Variants in IFIH1 observed in about 807,000 individuals in gnomAD.
IFIH1 encodes interferon induced with helicase C domain 1.
In IFIH1, 125 loss-of-function variants were observed where a neutral mutation model predicts 107.4. The ratio of observed to expected loss-of-function variants is 1.16; its 90% confidence interval spans 1.01 to 1.35. The LOEUF (loss-of-function observed/expected upper bound fraction) is 1.35, where lower values mean the gene tolerates loss of function less well. Among genes scored for constraint, IFIH1 ranks in the 40% most tolerant of loss-of-function variants. IFIH1 has a pLI of 0.00. For synonymous variants in IFIH1, 458 were observed against 413.2 expected (o/e 1.11, Z -1.31); for missense variants, 1,333 against 1,213.7 (o/e 1.10, Z -1.46).
At position 162,282,518 on chromosome 2, in the gene IFIH1, T is replaced by A; in HGVS notation, c.1154A>T (p.Tyr385Phe). Residue 385 changes from tyrosine to phenylalanine, a missense_variant, in exon 6 of 16, where the codon TAT becomes TTT. Physicochemically the swap from Tyr to Phe is conservative, Grantham distance 22. Transcript: ENST00000649979. ...ATCACCACTTAATCCAATAACACGA[T>A]ACCATTTCTTCAAAAATGGTTGGAA... ...KEFQPFLKKW[Y>F]RVIGLSGDTQ... 1 of 1,611,664 alleles carries A rather than the reference T, an allele frequency of 6.2e-7. No individual in the cohort carries two copies. The highest frequency in any genetic ancestry group is 8.5e-7 in the Non-Finnish European group (1 of 1,178,578).
At chr2:162,282,848 C>G (rs1682834791) in intron 5 of IFIH1, among the ~76,000 whole-genome samples, 1 of 151,640 alleles carries the variant, frequency 6.6e-6, no homozygotes. Flanking sequence ...TCATACAGAC[C>G]AAGACTAAAC....
chr2:162,314,721 C>G (rs1683456949), intron 1 of IFIH1, among the ~76,000 whole-genome samples: 1 of 151,976 alleles, frequency 6.6e-6, no homozygotes, highest in Non-Finnish European at 1.5e-5. Context: ...ATCTCCTGAC[C>G]TCGAGAGCCA....
chr2:162,277,314 T>C, intron 10 of IFIH1, 101 bp downstream of exon 10: 1 of 855,568 alleles, frequency 1.2e-6, no homozygotes, highest in Non-Finnish European at 1.8e-6. Context: ...GGATTTCTTC[T>C]TTCAAAAGAT....
chr2:162,310,649 C>T, intron 2 of IFIH1, 116 bp downstream of exon 2: 2 of 773,460 alleles, frequency 2.6e-6, no homozygotes, highest in South Asian at 1.7e-5. Context: ...ATATGTTCCA[C>T]TCTTAAAATT....
intron 1 of IFIH1, among the ~76,000 whole-genome samples, chr2:162,313,058 A>G (rs1299296384): frequency 4.6e-5 from 7 of 152,198 alleles, no homozygotes; most frequent in Non-Finnish European, 1.0e-4. Context: ...TATAAGGATC[A>G]TGATGTCATT....
chr2:162,285,794 A>G (rs1682883598), intron 5 of IFIH1, among the ~76,000 whole-genome samples: 1 of 152,044 alleles, frequency 6.6e-6, no homozygotes, highest in Non-Finnish European at 1.5e-5. Context: ...GATGCATCAG[A>G]CACATACAAA....
intron 3 of IFIH1, among the ~76,000 whole-genome samples, chr2:162,304,003 C>T (rs1683236639): frequency 6.6e-6 from 1 of 152,120 alleles, no homozygotes; most frequent in African/African-American, 2.4e-5. Flanking sequence ...ATGAAAACTC[C>T]ACACTCAGAT....
Position 162,309,382 on chromosome 2 carries a change from C to CTCTGG in IFIH1, c.622+1378_622+1382dup, listed in dbSNP as rs1683351215. On this transcript the variant is annotated intron_variant, in intron 2 of 15. Transcript: ENST00000649979. ...AAACCAAAAAGGAAACTGCCTTGGC[C>CTCTGG]TCTGGGTCTGTGGTGGAAGTGGCAA... Among the ~76,000 whole-genome samples, 3 of 152,302 alleles carry CTCTGG rather than the reference C, an allele frequency of 2.0e-5. No individual in the cohort carries two copies. The South Asian group carries it at 6.2e-4, about 32-fold the overall frequency.
chr2:162,305,327 T>C (rs1363221875), intron 3 of IFIH1, among the ~76,000 whole-genome samples: 1 of 152,156 alleles, frequency 6.6e-6, no homozygotes, highest in Non-Finnish European at 1.5e-5. Context: ...CCCAGCACTT[T>C]GGGAGGCCGA....
chr2:162,299,419 C>A (rs1683152873), intron 3 of IFIH1, among the ~76,000 whole-genome samples: 1 of 152,180 alleles, frequency 6.6e-6, no homozygotes, highest in Non-Finnish European at 1.5e-5. Context: ...TACGAATACA[C>A]TAAGGGTGCC....
Position 162,276,772 on chromosome 2 carries a change from T to C in IFIH1, c.2219A>G (p.Glu740Gly). The C allele has an allele frequency of 6.2e-7, 1 of 1,614,058 alleles. No homozygotes were observed. The stretch of plus-strand genomic sequence containing the variant: ...TCCTACTTCAGCAAATTTTTCATTT[T>C]CAGTAATCCACTGGGAAAGCGCATA... ...SAYALSQWITENEKFAEVGVK... is the reference protein window; with the variant it reads ...SAYALSQWITGNEKFAEVGVK... Residue 740 changes from glutamate (E) to glycine (G), a missense_variant, in exon 11 of 16, where the codon GAA (glutamate) becomes GGA (glycine). Glu to Gly is a moderately conservative substitution (Grantham distance 98, BLOSUM62 -2). Coordinates refer to ENST00000649979, the MANE Select transcript of IFIH1 (RefSeq NM_022168.4).
chr2:162,280,004 T>C lies in IFIH1; in HGVS notation c.1633A>G (p.Thr545Ala), dbSNP rs762899578. Reference sequence around the variant, plus strand: ...AAACATTAAGCCCATACTTCTCTGGTTGCATCTGCAATGGCAAACTTCTTG... The same window carrying C: ...AAACATTAAGCCCATACTTCTCTGGCTGCATCTGCAATGGCAAACTTCTTG... ...PCKKFAIADA[T>A]REDPFKEKLL... The change falls in exon 8 of 16, where the codon ACC (threonine) becomes GCC (alanine). Residue 545 changes from threonine (T) to alanine (A), a missense_variant. Coordinates refer to ENST00000649979, the MANE Select transcript of IFIH1 (RefSeq NM_022168.4). 3 of 1,564,132 alleles carry C rather than the reference T, an allele frequency of 1.9e-6. No homozygotes were observed. The highest frequency in any genetic ancestry group is 1.1e-5 in the South Asian group (1 of 90,058).
At chr2:162,271,375 C>T (rs1415479217) in intron 13 of IFIH1, among the ~76,000 whole-genome samples, 1 of 148,378 alleles carries the variant, frequency 6.7e-6, no homozygotes, top group African/African-American at 2.5e-5. Context: ...CCAAACCCCG[C>T]ATGTTCTCAC....
intron 8 of IFIH1, 120 bp from the exon 9 acceptor site, chr2:162,278,448 A>G (rs1682745407): frequency 1.7e-6 from 1 of 586,024 alleles, no homozygotes; most frequent in African/African-American, 1.9e-5. Context: ...AGACAAAGTA[A>G]CAGGTTAGTG....
chr2:162,289,741 T>C (rs1682964266), intron 4 of IFIH1, among the ~76,000 whole-genome samples: 1 of 151,920 alleles, frequency 6.6e-6, no homozygotes, highest in African/African-American at 2.4e-5. Flanking sequence ...TTGCCTTTTG[T>C]ATGGATGAGT....
intron 7 of IFIH1, 21 bp downstream of exon 7, chr2:162,281,307 A>G (rs1682802909): frequency 6.3e-7 from 1 of 1,587,988 alleles, no homozygotes; most frequent in Non-Finnish European, 8.6e-7. Flanking sequence ...TTCATTGGTT[A>G]TACATAAAAT....
rs776955408 is a variant in IFIH1 at position 162,318,063 on chromosome 2, G to A, written c.245C>T (p.Ala82Val). ...HLGWTREFVE[A>V]LRRTGSPLAA... is the part of the protein sequence containing the mutation. ...CAGAGGGCTGCCGGTTCTCCGGAGG[G>A]CCTCCACGAATTCCCGAGTCCAACC... Residue 82 changes from alanine to valine, a missense_variant, in exon 1 of 16, where the codon GCC becomes GTC. Physicochemically the swap from Ala to Val is moderately conservative, Grantham distance 64 (BLOSUM62 0). Transcript: ENST00000649979. 2 of 1,614,152 alleles carry A rather than the reference G, an allele frequency of 1.2e-6. No individual in the cohort carries two copies. The highest frequency in any genetic ancestry group is 1.7e-6 in the Non-Finnish European group (2 of 1,180,028).
intron 1 of IFIH1, among the ~76,000 whole-genome samples, chr2:162,311,880 T>A (rs149512472): frequency 1.7e-4 from 26 of 152,304 alleles, no homozygotes; most frequent in African/African-American, 6.3e-4. Flanking sequence ...TAGCTGCATG[T>A]TAGAAACAAC....
chr2:162,275,250 A>C (rs529214338), intron 11 of IFIH1, among the ~76,000 whole-genome samples: 1 of 146,912 alleles, frequency 6.8e-6, no homozygotes, highest in Non-Finnish European at 1.6e-5. Context: ...GAAATGAATA[A>C]GGAGCAGAAA....
Sources: allele counts gnomAD v4.1 joint callset (sites outside exome capture counted in the v4.1 genomes callset), GRCh38; gene constraint gnomAD v4.1.1; transcripts MANE v1.5; gene names NCBI Gene and HGNC (gene_info 2026-07-23, HGNC 2026-07-21).